Variants in RNLS observed in about 807,000 individuals in gnomAD.
RNLS encodes renalase, FAD dependent amine oxidase.
In RNLS, 39 loss-of-function variants were observed where a neutral mutation model predicts 39.8. The observed-to-expected ratio is 0.98, with a 90% confidence interval of 0.76 to 1.28. The LOEUF (loss-of-function observed/expected upper bound fraction) is 1.28, where lower values mean the gene tolerates loss of function less well. RNLS is among the 50% of genes most tolerant of loss of function. The probability of loss-of-function intolerance (pLI) is 0.00; values close to 1 mark genes in which losing one functional copy is unlikely to be tolerated. For missense variants in RNLS, 410 were observed against 413.3 expected (o/e 0.99, Z 0.07); for synonymous variants, 147 against 150.7 (o/e 0.98, Z 0.18).
In RNLS at chr10:88,314,467, T is replaced by A. The variant is rs746402560; in HGVS notation, c.875A>T (p.Gln292Leu). 5.6e-6 allele frequency: 9 copies of A among 1,613,578 alleles called. No homozygotes were observed. The highest frequency in any genetic ancestry group is 1.1e-5 in the South Asian group (1 of 91,060). Residue 292 changes from glutamine to leucine, a missense_variant and splice_region_variant, in exon 6 of 7, where the codon CAG (glutamine) becomes CTG (leucine). Coordinates refer to ENST00000331772, the MANE Select transcript of RNLS (RefSeq NM_001031709.3). ...ATKCQKWRHS[Q>L]VTNAAANCPG... ...TAGACCACTGGATTCTTTGATTACC[T>A]GTGAATGTCTCCATTTTTGGCATTT... is the stretch of plus-strand genomic sequence containing the variant.
At chr10:88,241,002 T>TATGTTAA in the RNLS span, among the ~76,000 whole-genome samples, 13 of 150,984 alleles carry the variant, frequency 8.6e-5, no homozygotes, top group East Asian at 2.3e-3. Flanking sequence ...TTGATTTTCT[T>TATGTTAA]ATGTTAAATT....
At chr10:88,365,250 G>T (rs118103407) in intron 4 of RNLS, among the ~76,000 whole-genome samples, 2,243 of 134,106 alleles carry the variant, frequency 0.017, 28 homozygotes, top group South Asian at 0.033. Context: ...GTCTTCAGAG[G>T]CTTAAAAGTT....
chr10:88,172,373 C>G, the RNLS span, among the ~76,000 whole-genome samples: 1 of 152,160 alleles, frequency 6.6e-6, no homozygotes, highest in Admixed American at 6.5e-5. Context: ...AGCACTGTCA[C>G]TGGGGTAAGA....
intron 4 of RNLS, among the ~76,000 whole-genome samples, chr10:88,405,487 G>C (rs1853204358): frequency 6.6e-6 from 1 of 152,046 alleles, no homozygotes; most frequent in Non-Finnish European, 1.5e-5. Context: ...TTGCTTTAAA[G>C]TTTATTTTGT....
At chr10:88,423,522 T>C (rs10788597) in intron 4 of RNLS, among the ~76,000 whole-genome samples, 44,036 of 152,004 alleles carry the variant, frequency 0.29, 7,153 homozygotes, top group African/African-American at 0.43. Flanking sequence ...GAACAAGGAG[T>C]GTGGTGCTGA....
intron 5 of RNLS, among the ~76,000 whole-genome samples, chr10:88,355,175 T>C (rs2081616): frequency 0.84 from 126,650 of 151,650 alleles, 53,000 homozygotes; most frequent in African/African-American, 0.88. Context: ...TCCTTTAGCT[T>C]GGAGAAGTTT....
chr10:88,217,118 A>G, the RNLS span, among the ~76,000 whole-genome samples: 2 of 152,310 alleles, frequency 1.3e-5, no homozygotes, highest in African/African-American at 4.8e-5. Context: ...GGTGGTTATT[A>G]AACAAGCCTT....
intron 4 of RNLS, among the ~76,000 whole-genome samples, chr10:88,366,712 T>G (rs1314130038): frequency 8.5e-6 from 1 of 117,254 alleles, no homozygotes; most frequent in African/African-American, 3.3e-5. Flanking sequence ...AGCAACCAAT[T>G]AAAAGGGCCC....
chr10:88,290,223 T>C (rs1008107418), intron 6 of RNLS, among the ~76,000 whole-genome samples: 1 of 152,198 alleles, frequency 6.6e-6, no homozygotes, highest in Non-Finnish European at 1.5e-5. Context: ...CTAGGAGACA[T>C]TTCCCCATAG....
chr10:88,204,399 T>G, the RNLS span, among the ~76,000 whole-genome samples: 4 of 152,114 alleles, frequency 2.6e-5, no homozygotes, highest in African/African-American at 9.7e-5. Flanking sequence ...GCAGGATAGG[T>G]GCTGAGTATT....
chr10:88,372,724 A>G (rs1850662856), intron 4 of RNLS, among the ~76,000 whole-genome samples: 3 of 152,166 alleles, frequency 2.0e-5, no homozygotes, highest in Admixed American at 2.0e-4. Flanking sequence ...CAGAGTCTAG[A>G]ATTAATTTTG....
At chr10:88,398,853 C>T (rs569450344) in intron 4 of RNLS, among the ~76,000 whole-genome samples, 1 of 152,096 alleles carries the variant, frequency 6.6e-6, no homozygotes, top group African/African-American at 2.4e-5. Context: ...AAAGTCAACA[C>T]ATTGAATAGT....
At chr10:88,198,648 T>A in the RNLS span, among the ~76,000 whole-genome samples, 1 of 152,034 alleles carries the variant, frequency 6.6e-6, no homozygotes. Flanking sequence ...TCTCATGAGA[T>A]CTGGTTGTTT....
intron 4 of RNLS, among the ~76,000 whole-genome samples, chr10:88,558,600 A>C (rs1406846347): frequency 6.6e-6 from 1 of 152,126 alleles, no homozygotes; most frequent in Non-Finnish European, 1.5e-5. Context: ...AGATGATGGA[A>C]GTCTCCGCTG....
intron 5 of RNLS, among the ~76,000 whole-genome samples, chr10:88,347,078 T>C (rs1366671884): frequency 1.3e-5 from 2 of 152,214 alleles, no homozygotes; most frequent in Non-Finnish European, 2.9e-5. Flanking sequence ...CAAATTCTTA[T>C]CCAGCTCAAG....
intron 4 of RNLS, among the ~76,000 whole-genome samples, chr10:88,464,792 G>T (rs771801665): frequency 6.6e-6 from 1 of 151,138 alleles, no homozygotes; most frequent in East Asian, 1.9e-4. Context: ...GAAAATGAAC[G>T]TCAGTGAAAA....
intron 4 of RNLS, among the ~76,000 whole-genome samples, chr10:88,463,845 C>T (rs989927576): frequency 2.6e-5 from 4 of 151,500 alleles, no homozygotes; most frequent in Non-Finnish European, 5.9e-5. Context: ...GTGTGTGTGT[C>T]TGTGTGTATG....
At chr10:88,272,970 C>T (rs1842689446), downstream of RNLS, among the ~76,000 whole-genome samples, 1 of 152,110 alleles carries the variant, frequency 6.6e-6, no homozygotes, top group Non-Finnish European at 1.5e-5. Context: ...GGTTCATGGC[C>T]CAGGAATCTG....
At chr10:88,380,371 T>C (rs1303678016) in intron 4 of RNLS, among the ~76,000 whole-genome samples, 8 of 60,152 alleles carry the variant, frequency 1.3e-4, no homozygotes, top group East Asian at 1.4e-3. Flanking sequence ...ATCTTTTTTT[T>C]TTTTTTTTTT....
Sources: gnomAD v4.1 joint callset for allele counts (sites outside exome capture counted in the v4.1 genomes callset) on GRCh38, gnomAD v4.1.1 for gene constraint, MANE v1.5 for transcripts, NCBI Gene and HGNC (gene_info 2026-07-23, HGNC 2026-07-21) for gene names.